Variants in RGL1 observed in about 807,000 individuals in gnomAD.
RGL1 encodes the protein ral guanine nucleotide dissociation stimulator like 1.
In RGL1, 24 loss-of-function variants were observed where a neutral mutation model predicts 95.2. The observed-to-expected ratio is 0.25, with a 90% CI of 0.18 to 0.35. The LOEUF is 0.35. RGL1 is among the 10% of genes least tolerant of loss of function. The pLI, the probability that RGL1 is intolerant of heterozygous loss-of-function variation, is 1.00. For synonymous variants in RGL1, 329 were observed against 344.9 expected (o/e 0.95, Z 0.51); for missense variants, 715 against 936.3 (o/e 0.76, Z 3.08).
intron 4 of RGL1, among the ~76,000 whole-genome samples, chr1:183,873,886 A>G (rs1306432717): frequency 1.3e-5 from 2 of 152,194 alleles, no homozygotes; most frequent in Non-Finnish European, 2.9e-5. Flanking sequence ...TCAAAGGAGA[A>G]CCTGCTTCCT....
At chr1:183,911,285 C>CAAG (rs1668626710) in intron 14 of RGL1, among the ~76,000 whole-genome samples, 1 of 152,184 alleles carries the variant, frequency 6.6e-6, no homozygotes. Context: ...CATGCTCAGG[C>CAAG]AAGAACAGTC....
At chr1:183,700,838 C>T (rs1654551359) in intron 1 of RGL1, among the ~76,000 whole-genome samples, 1 of 152,158 alleles carries the variant, frequency 6.6e-6, no homozygotes, top group African/African-American at 2.4e-5. Context: ...GCCACCGTGC[C>T]TGGCCTGTCA....
chr1:183,700,985 T>G (rs754986739), intron 1 of RGL1, among the ~76,000 whole-genome samples: 7 of 152,206 alleles, frequency 4.6e-5, no homozygotes, highest in Non-Finnish European at 1.0e-4. Context: ...AACTCCCACT[T>G]ATGAGTGAGA....
chr1:183,883,623 G>C (rs1558269709), intron 5 of RGL1, among the ~76,000 whole-genome samples, 163 bp from the exon 6 acceptor site: 1 of 152,226 alleles, frequency 6.6e-6, no homozygotes, highest in Non-Finnish European at 1.5e-5. Context: ...GAGATGGGAA[G>C]ATCTCCATTG....
intron 1 of RGL1, among the ~76,000 whole-genome samples, chr1:183,703,238 T>A (rs1032468907): frequency 6.6e-6 from 1 of 152,212 alleles, no homozygotes; most frequent in African/African-American, 2.4e-5. Flanking sequence ...ACTTCAAGCG[T>A]GACATAGGGG....
rs1259004804 is a variant in RGL1, at chr1:183,928,461, C to T, written c.*2169C>T. ...GCTTGTCTTTCTGCATCTCCATCAT[C>T]TGTTTACCTTTTGGTTAAACTAATA... On this transcript the variant is annotated 3_prime_UTR_variant, in exon 18 of 18. Coordinates refer to ENST00000360851, the MANE Select transcript of RGL1 (RefSeq NM_001297671.3). The T allele has an allele frequency of 6.6e-6, 1 of 152,660 alleles. No individual in the cohort carries two copies. The highest frequency in any genetic ancestry group is 1.5e-5 in the Non-Finnish European group (1 of 68,044). The allele number at this position is 152,660 out of a possible 1,614,324, so 9.5% of individuals were successfully genotyped here.
At chr1:183,748,909 T>C (rs1243629223) in intron 2 of RGL1, among the ~76,000 whole-genome samples, 1 of 152,236 alleles carries the variant, frequency 6.6e-6, no homozygotes, top group African/African-American at 2.4e-5. Flanking sequence ...AGTTGTTCAG[T>C]TTCCATGTAG....
chr1:183,678,017 A>T (rs1453097065), intron 1 of RGL1, among the ~76,000 whole-genome samples: 1 of 152,240 alleles, frequency 6.6e-6, no homozygotes, highest in East Asian at 1.9e-4. Context: ...TTGAGGTCTC[A>T]TAGTCCTTAT....
chr1:183,836,287 G>A (rs1030448921), intron 2 of RGL1, among the ~76,000 whole-genome samples: 12 of 151,832 alleles, frequency 7.9e-5, no homozygotes, highest in Non-Finnish European at 1.8e-4. Context: ...TTTTGCTCTT[G>A]TTGCCCAGGT....
chr1:183,826,117 G>A (rs756821421), intron 2 of RGL1, among the ~76,000 whole-genome samples: 8 of 150,908 alleles, frequency 5.3e-5, no homozygotes, highest in Non-Finnish European at 8.8e-5. Flanking sequence ...GCAGTGGTGC[G>A]ATCTTGGCTC....
intron 4 of RGL1, among the ~76,000 whole-genome samples, chr1:183,879,384 TCACTTTCACATA>T (rs1355359871): frequency 6.6e-6 from 1 of 152,240 alleles, no homozygotes; most frequent in African/African-American, 2.4e-5. Context: ...AGCCCAGCCT[TCACTTTCACATA>T]TGTGGGTAAT....
intron 1 of RGL1, among the ~76,000 whole-genome samples, chr1:183,644,765 A>G (rs1650169694): frequency 6.6e-6 from 1 of 152,226 alleles, no homozygotes. Flanking sequence ...ACTATGAATA[A>G]AAAAGATGTA....
rs150965593 is a variant in RGL1, at chr1:183,912,960, C to A, written c.1749+692C>A. Among the ~76,000 whole-genome samples, 760 of 152,202 alleles carry A rather than the reference C, an allele frequency of 5.0e-3. 4 individuals are homozygous for A. The highest frequency in any genetic ancestry group is 0.02 in the South Asian group (97 of 4,824). Reference sequence around the variant, plus strand: ...GTAAATGAAGCAGAGAAATAGGCTCCAGTTTTAGTGGGAGGAACTCTGAAA... The same window carrying A: ...GTAAATGAAGCAGAGAAATAGGCTCAAGTTTTAGTGGGAGGAACTCTGAAA... On this transcript the variant is annotated intron_variant, in intron 15 of 17. Transcript: ENST00000360851.
chr1:183,757,124 A>T (rs1485732051), intron 2 of RGL1, among the ~76,000 whole-genome samples: 1 of 152,006 alleles, frequency 6.6e-6, no homozygotes, highest in Non-Finnish European at 1.5e-5. Context: ...AACGATATGC[A>T]ATGTTCTCTA....
intron 1 of RGL1, among the ~76,000 whole-genome samples, chr1:183,660,113 G>T (rs1651497990): frequency 6.6e-6 from 1 of 152,128 alleles, no homozygotes; most frequent in South Asian, 2.1e-4. Flanking sequence ...ATGCCAAATT[G>T]TAAAGACCAT....
At chr1:183,710,876 A>G (rs920602783) in intron 1 of RGL1, among the ~76,000 whole-genome samples, 1 of 152,212 alleles carries the variant, frequency 6.6e-6, no homozygotes, top group South Asian at 2.1e-4. Flanking sequence ...GTGGAAGTGG[A>G]TAACTAGAAG....
At chr1:183,759,793 T>G (rs1457106105) in intron 2 of RGL1, among the ~76,000 whole-genome samples, 2 of 152,222 alleles carry the variant, frequency 1.3e-5, no homozygotes, top group Non-Finnish European at 2.9e-5. Flanking sequence ...AGTTTCTTAG[T>G]CTAAACTAAA....
At chr1:183,725,499 A>G (rs1656260976) in intron 1 of RGL1, among the ~76,000 whole-genome samples, 1 of 152,216 alleles carries the variant, frequency 6.6e-6, no homozygotes, top group Admixed American at 6.5e-5. Flanking sequence ...ATAAAAATAC[A>G]CAAAAGAGAA....
intron 1 of RGL1, among the ~76,000 whole-genome samples, chr1:183,662,219 G>A (rs1336423616): frequency 1.3e-5 from 2 of 151,270 alleles, no homozygotes; most frequent in Non-Finnish European, 2.9e-5. Flanking sequence ...AGGGCAATTA[G>A]GCAGGAGAAG....
Sources: allele counts gnomAD v4.1 joint callset (sites outside exome capture counted in the v4.1 genomes callset), GRCh38; gene constraint gnomAD v4.1.1; transcripts MANE v1.5; gene names NCBI Gene and HGNC (gene_info 2026-07-23, HGNC 2026-07-21).